Variants in FAM13A observed in about 807,000 individuals in gnomAD.
FAM13A encodes protein FAM13A.
Under a neutral mutation model 129.6 loss-of-function variants are expected in FAM13A, and 76 were observed. The ratio of observed to expected loss-of-function variants is 0.59; its 90% CI spans 0.49 to 0.71. The LOEUF is 0.71. Among genes scored for constraint, FAM13A ranks in the 30% least tolerant of loss-of-function variants. The probability of loss-of-function intolerance (pLI) is 0.00; values close to 1 mark genes in which losing one functional copy is unlikely to be tolerated. For synonymous variants in FAM13A, 443 were observed against 449.9 expected (o/e 0.98, Z 0.20); for missense variants, 1,108 against 1,249.3 (o/e 0.89, Z 1.70).
intron 2 of FAM13A, among the ~76,000 whole-genome samples, chr4:89,022,539 A>G (rs971436717): frequency 1.3e-5 from 2 of 152,202 alleles, no homozygotes; most frequent in Non-Finnish European, 2.9e-5. Flanking sequence ...CCTAAATGGA[A>G]GAGATACCAG....
intron 20 of FAM13A, among the ~76,000 whole-genome samples, chr4:88,738,111 C>A (rs1399164635): frequency 6.6e-6 from 1 of 152,072 alleles, no homozygotes; most frequent in Non-Finnish European, 1.5e-5. Flanking sequence ...ATCTCTGGAC[C>A]CTCCTTTCTT....
chr4:88,836,851 T>C (rs1734897531), intron 7 of FAM13A, among the ~76,000 whole-genome samples: 1 of 151,658 alleles, frequency 6.6e-6, no homozygotes, highest in Non-Finnish European at 1.5e-5. Flanking sequence ...TCCCAGCTAT[T>C]TGGGAGGCTG....
At chr4:88,790,663 T>G in intron 8 of FAM13A, 36 bp from the exon 9 acceptor site, 1 of 1,594,122 alleles carries the variant, frequency 6.3e-7, no homozygotes, top group Non-Finnish European at 8.6e-7. Context: ...TCAGGTTAGA[T>G]GAAAGATCAG....
At chr4:88,946,226 C>T (rs569751795) in intron 4 of FAM13A, among the ~76,000 whole-genome samples, 1 of 151,068 alleles carries the variant, frequency 6.6e-6, no homozygotes, top group African/African-American at 2.4e-5. Context: ...GTGTAAAATG[C>T]GAGGTCCTAT....
At chr4:89,028,872 C>T (rs1768335880) in intron 2 of FAM13A, among the ~76,000 whole-genome samples, 1 of 151,906 alleles carries the variant, frequency 6.6e-6, no homozygotes, top group South Asian at 2.1e-4. Flanking sequence ...GTGGGCTTCA[C>T]AGCTCTCAAT....
At chr4:89,046,580 T>C (rs949069851) in intron 1 of FAM13A, among the ~76,000 whole-genome samples, 1 of 152,214 alleles carries the variant, frequency 6.6e-6, no homozygotes, top group African/African-American at 2.4e-5. Context: ...CCGGGCACAG[T>C]AGCTCATGCC....
chr4:88,747,634 A>C lies in FAM13A; in HGVS notation c.2379T>G (p.Ile793Met). The C allele has an allele frequency of 1.2e-6, 2 of 1,613,624 alleles. No homozygotes were observed. The highest frequency in any genetic ancestry group is 8.5e-7 in the Non-Finnish European group (1 of 1,179,558). The change falls in exon 18 of 24, where the codon ATT becomes ATG. Residue 793 changes from isoleucine to methionine, a missense_variant. Ile to Met is a conservative substitution (Grantham distance 10). Transcript: ENST00000264344. ...KRAESSRPED[I>M]KDMTKDQIAN... Reference sequence around the variant, plus strand: ...GCACTTCACAGAATGATCGCACCTTAATGTCCTCAGGGCGGCTGCTTTCCG... The same window carrying C: ...GCACTTCACAGAATGATCGCACCTTCATGTCCTCAGGGCGGCTGCTTTCCG...
chr4:88,928,333 C>T (rs749179392), intron 5 of FAM13A, among the ~76,000 whole-genome samples: 6 of 151,292 alleles, frequency 4.0e-5, no homozygotes, highest in African/African-American at 7.2e-5. Flanking sequence ...GAATGTTCTG[C>T]GAATGTCTGC....
Position 89,029,658 on chromosome 4 carries a change from A to T in FAM13A, c.28-9T>A, listed in dbSNP as rs777321608. ...ACCGCTGCTTTACTTTGCTTAAAGG[A>T]GCGTAAGAAAAAAGAGCAGTCAGTC... On this transcript the variant is annotated splice_polypyrimidine_tract_variant and intron_variant, in intron 1 of 23. Coordinates refer to ENST00000264344, the MANE Select transcript of FAM13A (RefSeq NM_014883.4). 2.5e-6 allele frequency: 4 copies of T among 1,571,054 alleles called. No homozygotes were observed. The South Asian group carries it at 4.8e-5, about 19-fold the overall frequency.
Position 88,732,180 on chromosome 4 carries a change from C to T in FAM13A, c.2665G>A (p.Glu889Lys), listed in dbSNP as rs750521950. The T allele has an allele frequency of 1.2e-6, 2 of 1,608,764 alleles. No homozygotes were observed. The highest frequency in any genetic ancestry group is 2.2e-5 in the South Asian group (2 of 90,080). ...TCTGGCTTCACATTGCTATCGTCTTCTGACCCCTCCTCTTCTTCCTGGAGA... is the reference window on the plus strand; with the variant it reads ...TCTGGCTTCACATTGCTATCGTCTTTTGACCCCTCCTCTTCTTCCTGGAGA... ...KEIKEEEEGS[E>K]DDSNVKPDFM... Residue 889 changes from glutamate to lysine, a missense_variant, in exon 22 of 24, where the codon GAA becomes AAA. By Grantham distance (56) the Glu-to-Lys change is moderately conservative (BLOSUM62 1). Transcript: ENST00000264344.
At chr4:88,972,063 T>C (rs1322207308) in intron 4 of FAM13A, among the ~76,000 whole-genome samples, 2 of 152,112 alleles carry the variant, frequency 1.3e-5, no homozygotes, top group Non-Finnish European at 2.9e-5. Flanking sequence ...CATAATTAAA[T>C]ATATTGTTAC....
chr4:88,753,827 A>T (rs987808050), intron 14 of FAM13A, among the ~76,000 whole-genome samples: 3 of 152,234 alleles, frequency 2.0e-5, no homozygotes, highest in Non-Finnish European at 4.4e-5. Context: ...ATAACAAAGT[A>T]CTAAATAAGG....
At chr4:88,762,329 C>T (rs1262259518) in intron 13 of FAM13A, among the ~76,000 whole-genome samples, 1 of 152,168 alleles carries the variant, frequency 6.6e-6, no homozygotes, top group Non-Finnish European at 1.5e-5. Context: ...TCCATACTTC[C>T]TGGCTGATTT....
intron 11 of FAM13A, among the ~76,000 whole-genome samples, chr4:88,772,202 C>T (rs1005777493): frequency 1.3e-5 from 2 of 152,144 alleles, no homozygotes; most frequent in African/African-American, 4.8e-5. Flanking sequence ...ATTATTCTAA[C>T]CTTGAGCTCT....
At chr4:88,936,113 T>C (rs1447369638) in intron 5 of FAM13A, among the ~76,000 whole-genome samples, 1 of 152,166 alleles carries the variant, frequency 6.6e-6, no homozygotes, top group African/African-American at 2.4e-5. Context: ...TTATGTCTTA[T>C]ATTATATTCT....
intron 6 of FAM13A, among the ~76,000 whole-genome samples, chr4:88,890,638 G>C (rs898050129): frequency 6.6e-6 from 1 of 152,024 alleles, no homozygotes; most frequent in Non-Finnish European, 1.5e-5. Context: ...AATAGATGCA[G>C]AAAAGAAAGG....
chr4:88,822,598 CTA>C (rs1732213522), intron 7 of FAM13A, among the ~76,000 whole-genome samples: 1 of 152,158 alleles, frequency 6.6e-6, no homozygotes, highest in African/African-American at 2.4e-5. Context: ...GGTCTTCAGC[CTA>C]TCAACATCCT....
chr4:88,817,983 A>G (rs566488058), intron 7 of FAM13A, among the ~76,000 whole-genome samples: 1 of 152,142 alleles, frequency 6.6e-6, no homozygotes, highest in South Asian at 2.1e-4. Flanking sequence ...AACCAAAACT[A>G]TCACTTTTTC....
chr4:88,737,376 G>A, intron 21 of FAM13A, 96 bp downstream of exon 21: 1 of 1,030,300 alleles, frequency 9.7e-7, no homozygotes, highest in Non-Finnish European at 1.5e-6. Context: ...ACCACCAAAA[G>A]GCCCGATCAC....
Sources: allele counts gnomAD v4.1 joint callset (sites outside exome capture counted in the v4.1 genomes callset), GRCh38; gene constraint gnomAD v4.1.1; transcripts MANE v1.5; gene names NCBI Gene and HGNC (gene_info 2026-07-23, HGNC 2026-07-21).